ZNF557: variants seen among roughly 807,000 people sequenced by gnomAD.
ZNF557 encodes CTB-25J19.9.
A neutral mutation model predicts 21.2 loss-of-function variants in ZNF557; 19 were observed. The ratio of observed to expected loss-of-function variants is 0.90; its 90% confidence interval spans 0.63 to 1.32. ZNF557 has a LOEUF of 1.32. ZNF557 is among the 40% of genes most tolerant of loss of function. The pLI is 0.00. For missense variants in ZNF557, 487 were observed against 519.8 expected (o/e 0.94, Z 0.61); for synonymous variants, 207 against 194.8 (o/e 1.06, Z -0.52).
rs2145168684 is a variant in ZNF557 at position 7,076,403 on chromosome 19, T to C, written c.143T>C (p.Val48Ala). The change falls in exon 5 of 8, where the codon GTG becomes GCG. Residue 48 changes from valine (V) to alanine (A), a missense_variant. By Grantham distance (64) the Val-to-Ala change is moderately conservative (BLOSUM62 0). Coordinates refer to ENST00000252840, the MANE Select transcript of ZNF557 (RefSeq NM_024341.3). ...TAGGGCTTGGTGACCTTTGAGGATGTGGCCGTGGAGTTCACCCAGGAGGAG... is the reference window on the plus strand; with the variant it reads ...TAGGGCTTGGTGACCTTTGAGGATGCGGCCGTGGAGTTCACCCAGGAGGAG... The part of the protein sequence containing the change: ...WLKGLVTFED[V>A]AVEFTQEEWA... The C allele has an allele frequency of 6.2e-7, 1 of 1,614,196 alleles. No homozygotes were observed. Among genetic ancestry groups the C allele is most frequent in the East Asian group, 2.2e-5 (1 of 44,880 alleles).
At chr19:7,077,946 T>A (rs1026299641) in intron 5 of ZNF557, among the ~76,000 whole-genome samples, 3 of 152,176 alleles carry the variant, frequency 2.0e-5, no homozygotes, top group Admixed American at 6.5e-5. Context: ...CATTTATACA[T>A]CTTTTTTGAA....
chr19:7,072,028 A>G (rs1977472581), intron 2 of ZNF557, among the ~76,000 whole-genome samples: 1 of 149,696 alleles, frequency 6.7e-6, no homozygotes, highest in Non-Finnish European at 1.5e-5. Flanking sequence ...AGGCAAGGGA[A>G]TGGCATAAAC....
intron 5 of ZNF557, among the ~76,000 whole-genome samples, chr19:7,076,762 G>T (rs1427661442): frequency 6.6e-6 from 1 of 152,016 alleles, no homozygotes; most frequent in Non-Finnish European, 1.5e-5. Flanking sequence ...TGAACATCTT[G>T]GCAGGCACTA....
rs778737809 is a variant in ZNF557 at position 7,087,776 on chromosome 19, CTGTT to C, written c.*4034_*4037del. The C allele has an allele frequency of 7.3e-5, 11 of 151,446 alleles. No individual in the cohort carries two copies. Among genetic ancestry groups the C allele is most frequent in the Non-Finnish European group, 1.0e-4 (7 of 67,928 alleles). 9.4% of individuals were successfully genotyped at this position (151,446 alleles called of 1,614,324 possible). Reference sequence around the variant, plus strand: ...CAGGTGAATGCATTATCTGTTAATCCTGTTTATTGATCTGTTTTTATAAGTGCTC... The same window carrying C: ...CAGGTGAATGCATTATCTGTTAATCCTATTGATCTGTTTTTATAAGTGCTC... On this transcript the variant is annotated 3_prime_UTR_variant, in exon 8 of 8. Transcript: ENST00000252840.
intron 4 of ZNF557, 55 bp from the exon 5 acceptor site, chr19:7,076,326 G>A (rs897741450): frequency 6.2e-7 from 1 of 1,614,044 alleles, no homozygotes; most frequent in Non-Finnish European, 8.5e-7. Context: ...CCCTCTTCCT[G>A]TGCACATTGG....
intron 5 of ZNF557, among the ~76,000 whole-genome samples, chr19:7,077,259 C>T (rs951821523): frequency 1.3e-5 from 2 of 151,354 alleles, no homozygotes; most frequent in Non-Finnish European, 2.9e-5. Context: ...CCTCAGCCTC[C>T]TCAACAGCTG....
At chr19:7,071,243 A>AT (rs199995980) in intron 2 of ZNF557, among the ~76,000 whole-genome samples, 554 of 151,378 alleles carry the variant, frequency 3.7e-3, no homozygotes, top group Middle Eastern at 6.8e-3. Flanking sequence ...TTTTTCTTTT[A>AT]TTTTTTTCTT....
Position 7,084,964 on chromosome 19 carries a change from T to C in ZNF557, c.*1220T>C, listed in dbSNP as rs1343398770. 6.6e-6 allele frequency: 1 copy of C among 152,182 alleles called. No individual in the cohort carries two copies. Among genetic ancestry groups the C allele is most frequent in the African/African-American group, 2.4e-5 (1 of 41,448 alleles). The allele number at this position is 152,182 out of a possible 1,614,324, so 9.4% of individuals were successfully genotyped here. On this transcript the variant is annotated 3_prime_UTR_variant, in exon 8 of 8. Coordinates refer to ENST00000252840, the MANE Select transcript of ZNF557 (RefSeq NM_024341.3). The stretch of plus-strand genomic sequence containing the variant: ...TCGGAGATCATACAACAGAGGAATA[T>C]GTTGAGTATACACAGTGTTGAAAAG...
Position 7,076,464 on chromosome 19 carries a change from C to T in ZNF557, c.204C>T (p.Tyr68=). Reference sequence around the variant, plus strand: ...TGGACCCTGCCCAAAGGACACTGTACAGGGACGTGATGCTGGAGAACTGCA... The same window carrying T: ...TGGACCCTGCCCAAAGGACACTGTATAGGGACGTGATGCTGGAGAACTGCA... ...ALLDPAQRTL[Y]RDVMLENCRN... The change falls in exon 5 of 8, where the codon TAC becomes TAT. Residue 68 remains tyrosine (Y), a synonymous_variant. Coordinates refer to ENST00000252840, the MANE Select transcript of ZNF557 (RefSeq NM_024341.3). The T allele has an allele frequency of 4.3e-6, 7 of 1,614,144 alleles. No individual in the cohort carries two copies. The highest frequency in any genetic ancestry group is 2.7e-5 in the African/African-American group (2 of 75,008).
intron 2 of ZNF557, among the ~76,000 whole-genome samples, chr19:7,072,863 C>G (rs1240143092): frequency 6.6e-6 from 1 of 152,160 alleles, no homozygotes; most frequent in Non-Finnish European, 1.5e-5. Flanking sequence ...TCTTCCTCCC[C>G]TCCATCTCCA....
intron 4 of ZNF557, 28 bp downstream of exon 4, chr19:7,075,771 C>A (rs1177856516): frequency 1.2e-6 from 2 of 1,609,398 alleles, no homozygotes; most frequent in East Asian, 4.5e-5. Context: ...TTTTCCAAAT[C>A]ATGATTCCTT....
At chr19:7,072,065 G>A (rs190965483) in intron 2 of ZNF557, among the ~76,000 whole-genome samples, 5 of 141,750 alleles carry the variant, frequency 3.5e-5, no homozygotes, top group Admixed American at 7.4e-5. Flanking sequence ...GCAGTGAGCC[G>A]AGATCATGCC....
At chr19:7,080,632 C>T (rs775572144) in intron 5 of ZNF557, among the ~76,000 whole-genome samples, 1 of 152,188 alleles carries the variant, frequency 6.6e-6, no homozygotes, top group Non-Finnish European at 1.5e-5. Flanking sequence ...CTGTTCCCTT[C>T]AGCACTAGAA....
At chr19:7,078,683 C>T (rs185172654) in intron 5 of ZNF557, among the ~76,000 whole-genome samples, 151 of 152,198 alleles carry the variant, frequency 9.9e-4, no homozygotes, top group African/African-American at 3.5e-3. Context: ...CCTCCCACCT[C>T]GGCTTCCCAA....
Position 7,075,754 on chromosome 19 carries a change from T to C in ZNF557, c.120+11T>C, listed in dbSNP as rs2145167853. The stretch of plus-strand genomic sequence containing the variant: ...AAAAGCTGGCTAAAGGTGAGTCGGA[T>C]GTTCCTTTTTCCAAATCATGATTCC... On this transcript the variant is annotated intron_variant, in intron 4 of 7. Transcript: ENST00000252840. 6.2e-7 allele frequency: 1 copy of C among 1,612,106 alleles called. No homozygotes were observed. Among genetic ancestry groups the C allele is most frequent in the South Asian group, 1.1e-5 (1 of 91,058 alleles).
At chr19:7,072,589 A>G (rs1977482974) in intron 2 of ZNF557, among the ~76,000 whole-genome samples, 1 of 152,216 alleles carries the variant, frequency 6.6e-6, no homozygotes, top group Non-Finnish European at 1.5e-5. Context: ...CACATGCTCC[A>G]AACTGTGAAC....
chr19:7,081,887 C>CA (rs1599843943), intron 6 of ZNF557, 83 bp from the exon 7 acceptor site: 1 of 1,035,662 alleles, frequency 9.7e-7, no homozygotes, highest in Non-Finnish European at 1.5e-6. Context: ...TGCCTTCACT[C>CA]ACGTATGCAT....
intron 2 of ZNF557, among the ~76,000 whole-genome samples, chr19:7,072,948 A>T (rs1042997886): frequency 1.3e-5 from 2 of 151,950 alleles, no homozygotes; most frequent in Non-Finnish European, 2.9e-5. Flanking sequence ...TGCAGAAGGG[A>T]TTTGAGAGGA....
In ZNF557 at chr19:7,070,637, G is replaced by A. The variant is rs1201746084; in HGVS notation, c.-96G>A. ...TTTCACCTATCCTCACTGATCCGTG[G>A]ACTTCTGTATGATCAGGTAGGTACC... On this transcript the variant is annotated 5_prime_UTR_variant, in exon 2 of 8. Transcript: ENST00000252840. The A allele has an allele frequency of 6.6e-6, 1 of 152,140 alleles. No individual in the cohort carries two copies. Among genetic ancestry groups the A allele is most frequent in the East Asian group, 1.9e-4 (1 of 5,202 alleles). 9.4% of individuals were successfully genotyped at this position (152,140 alleles called of 1,614,324 possible).
Sources: allele counts gnomAD v4.1 joint callset (sites outside exome capture counted in the v4.1 genomes callset), GRCh38; gene constraint gnomAD v4.1.1; transcripts MANE v1.5; gene names NCBI Gene and HGNC (gene_info 2026-07-23, HGNC 2026-07-21).